Variants in ASCC3 observed in about 807,000 individuals in gnomAD.
ASCC3 encodes activating signal cointegrator 1 complex subunit 3, also known as ASC-1 complex subunit P200.
In ASCC3, 158 loss-of-function variants were observed where a neutral mutation model predicts 256.3. The ratio of observed to expected loss-of-function variants is 0.62; its 90% CI spans 0.54 to 0.70. The LOEUF is 0.70. ASCC3 is among the 30% of genes least tolerant of loss of function. The pLI is 0.00. For synonymous variants in ASCC3, 948 were observed against 883.4 expected (o/e 1.07, Z -1.30); for missense variants, 2,259 against 2,626.0 (o/e 0.86, Z 3.05).
chr6:100,581,355 T>C (rs1771246050), intron 36 of ASCC3, among the ~76,000 whole-genome samples: 1 of 152,216 alleles, frequency 6.6e-6, no homozygotes, highest in Admixed American at 6.5e-5. Flanking sequence ...TTTTTTCATG[T>C]GTTTTTTTGG....
intron 36 of ASCC3, among the ~76,000 whole-genome samples, chr6:100,546,751 T>C (rs951979027): frequency 6.6e-6 from 1 of 152,152 alleles, no homozygotes; most frequent in African/African-American, 2.4e-5. Context: ...AACATTTTGA[T>C]TTGCATTAAT....
intron 4 of ASCC3, among the ~76,000 whole-genome samples, chr6:100,825,655 C>T (rs866291448): frequency 6.6e-6 from 1 of 152,132 alleles, no homozygotes; most frequent in Non-Finnish European, 1.5e-5. Flanking sequence ...GCCTGTCTTG[C>T]TAGGTTGGGG....
At chr6:100,798,950 G>A (rs1351480630) in intron 7 of ASCC3, 112 bp from the exon 8 acceptor site, 13 of 990,188 alleles carry the variant, frequency 1.3e-5, no homozygotes, top group South Asian at 3.1e-5. Context: ...ACAAAGCACT[G>A]GTAAATAAAC....
intron 29 of ASCC3, 118 bp from the exon 30 acceptor site, chr6:100,625,452 G>T: frequency 8.2e-7 from 1 of 1,220,460 alleles, no homozygotes; most frequent in Non-Finnish European, 1.2e-6. Context: ...GGCATGAAAT[G>T]TGGCATTATT....
chr6:100,539,906 A>G (rs1439721209), intron 37 of ASCC3, among the ~76,000 whole-genome samples: 1 of 152,158 alleles, frequency 6.6e-6, no homozygotes, highest in African/African-American at 2.4e-5. Context: ...TAATTATTAT[A>G]TGCTCAGTGC....
chr6:100,723,927 A>AC (rs1779491610), intron 11 of ASCC3, among the ~76,000 whole-genome samples: 1 of 140,790 alleles, frequency 7.1e-6, no homozygotes, highest in African/African-American at 2.6e-5. Flanking sequence ...ACATATATAT[A>AC]ATATATATAT....
At chr6:100,518,665 A>G (rs1282487958) in intron 37 of ASCC3, among the ~76,000 whole-genome samples, 2 of 152,142 alleles carry the variant, frequency 1.3e-5, no homozygotes, top group Admixed American at 1.3e-4. Context: ...AAAGGGGGCA[A>G]CTGCTAGTGG....
chr6:100,527,076 T>C (rs892471807), intron 37 of ASCC3, among the ~76,000 whole-genome samples: 14 of 152,194 alleles, frequency 9.2e-5, no homozygotes, highest in African/African-American at 3.4e-4. Flanking sequence ...CTGAGATCTA[T>C]ATACCCCAAG....
intron 36 of ASCC3, among the ~76,000 whole-genome samples, chr6:100,587,404 T>C (rs1391250096): frequency 6.6e-6 from 1 of 152,180 alleles, no homozygotes; most frequent in Non-Finnish European, 1.5e-5. Context: ...ATTTTGCTGG[T>C]AGCTACACAT....
At chr6:100,526,927 T>C (rs1774605841) in intron 37 of ASCC3, among the ~76,000 whole-genome samples, 1 of 152,196 alleles carries the variant, frequency 6.6e-6, no homozygotes. Flanking sequence ...GTAAACTACA[T>C]TTGTTTGTGG....
chr6:100,862,005 T>C (rs1413979837), intron 3 of ASCC3, among the ~76,000 whole-genome samples: 1 of 152,134 alleles, frequency 6.6e-6, no homozygotes, highest in East Asian at 1.9e-4. Context: ...AGAGGCATTT[T>C]TATAATAGAA....
In ASCC3 at chr6:100,565,325, A is replaced by C. The variant is rs184437274; in HGVS notation, c.5550+24309T>G. 3.0e-4 allele frequency among the ~76,000 whole-genome samples: 45 copies of C among 152,296 alleles called. 1 individual carries two copies. Among genetic ancestry groups the C allele is most frequent in the Non-Finnish European group, 4.4e-5 (3 of 68,022 alleles). ...CGAACACAGCTTCCTCATAGCTTTC[A>C]AGCCCAAGTTCCTAATTCAAAGAAG... On this transcript the variant is annotated intron_variant, in intron 36 of 41. Coordinates refer to ENST00000369162, the MANE Select transcript of ASCC3 (RefSeq NM_006828.4).
intron 3 of ASCC3, 103 bp from the exon 4 acceptor site, chr6:100,848,810 G>T: frequency 8.7e-7 from 1 of 1,148,510 alleles, no homozygotes; most frequent in Non-Finnish European, 1.3e-6. Flanking sequence ...AAATCTAACA[G>T]TCAAATCATA....
At chr6:100,564,811 TA>T (rs1770146243) in intron 36 of ASCC3, among the ~76,000 whole-genome samples, 1 of 152,046 alleles carries the variant, frequency 6.6e-6, no homozygotes, top group African/African-American at 2.4e-5. Flanking sequence ...AAGGAAAAAC[TA>T]GAGGAACTAA....
At chr6:100,777,952 T>C (rs951345584) in intron 8 of ASCC3, among the ~76,000 whole-genome samples, 6 of 152,102 alleles carry the variant, frequency 3.9e-5, no homozygotes, top group African/African-American at 1.4e-4. Flanking sequence ...GACTGAGAAG[T>C]AGCATAAAAC....
chr6:100,722,418 C>A (rs1779384845), intron 11 of ASCC3, among the ~76,000 whole-genome samples: 1 of 151,664 alleles, frequency 6.6e-6, no homozygotes, highest in Non-Finnish European at 1.5e-5. Context: ...ATGTAACAAA[C>A]TTGCACATGT....
chr6:100,688,125 G>C (rs1777670862), intron 13 of ASCC3, among the ~76,000 whole-genome samples: 1 of 151,752 alleles, frequency 6.6e-6, no homozygotes, highest in Non-Finnish European at 1.5e-5. Context: ...TTTAATAAAG[G>C]AATACATATC....
chr6:100,602,339 G>A lies in ASCC3; in HGVS notation c.5178-404C>T, dbSNP rs117426409. ...ATTTTTCCAGATTAAGTTAACAGTA[G>A]TAATAATTTGTTGAAAGCAATCACT... On this transcript the variant is annotated intron_variant, in intron 33 of 41. Transcript: ENST00000369162. Among the ~76,000 whole-genome samples the A allele has an allele frequency of 4.8e-3, 725 of 152,124 alleles. 9 individuals are homozygous for A. The highest frequency in any genetic ancestry group is 6.8e-3 in the Non-Finnish European group (462 of 67,956).
At chr6:100,872,022 T>G (rs1773765631) in intron 1 of ASCC3, among the ~76,000 whole-genome samples, 1 of 152,134 alleles carries the variant, frequency 6.6e-6, no homozygotes, top group African/African-American at 2.4e-5. Flanking sequence ...AAAAATGTAT[T>G]CAAGATAACT....
Sources: gnomAD v4.1 joint callset for allele counts (sites outside exome capture counted in the v4.1 genomes callset) on GRCh38, gnomAD v4.1.1 for gene constraint, MANE v1.5 for transcripts, NCBI Gene and HGNC (gene_info 2026-07-23, HGNC 2026-07-21) for gene names.